Variants in WDR7 observed in about 807,000 individuals in gnomAD.
WDR7 encodes the protein WD repeat-containing protein 7.
In WDR7, 46 loss-of-function variants were observed where a neutral mutation model predicts 169.4. That is an observed-to-expected ratio of 0.27 (90% CI 0.21 to 0.35). WDR7 has a LOEUF of 0.35. Ranked by LOEUF, WDR7 falls within the 10% of genes least tolerant of loss-of-function variation. The probability of loss-of-function intolerance (pLI) is 1.00; values close to 1 mark genes in which losing one functional copy is unlikely to be tolerated. For synonymous variants in WDR7, 612 were observed against 666.8 expected (o/e 0.92, Z 1.27); for missense variants, 1,534 against 1,859.3 (o/e 0.83, Z 3.22).
chr18:56,952,539 AT>A (rs1241268126), intron 25 of WDR7, among the ~76,000 whole-genome samples: 1 of 152,210 alleles, frequency 6.6e-6, no homozygotes, highest in Non-Finnish European at 1.5e-5. Context: ...CTCAAACGTA[AT>A]CCTACACTAA....
chr18:56,904,672 G>C (rs1378088412), intron 21 of WDR7, among the ~76,000 whole-genome samples: 1 of 152,116 alleles, frequency 6.6e-6, no homozygotes, highest in African/African-American at 2.4e-5. Context: ...CAGAAAGAAA[G>C]AATCCATGTG....
intron 2 of WDR7, among the ~76,000 whole-genome samples, chr18:56,674,698 T>G (rs1054307625): frequency 1.3e-4 from 20 of 152,138 alleles, no homozygotes; most frequent in Non-Finnish European, 2.8e-4. Context: ...ATCTTTTTCC[T>G]TTGTTTGCTT....
At chr18:56,952,008 T>G (rs554532897) in intron 25 of WDR7, among the ~76,000 whole-genome samples, 46 of 152,358 alleles carry the variant, frequency 3.0e-4, no homozygotes, top group African/African-American at 1.1e-3. Flanking sequence ...TTTGCCAACC[T>G]CTTTGATGTC....
At chr18:56,750,624 C>T (rs891862890) in intron 14 of WDR7, among the ~76,000 whole-genome samples, 1 of 152,160 alleles carries the variant, frequency 6.6e-6, no homozygotes, top group African/African-American at 2.4e-5. Flanking sequence ...TACTAAGCTT[C>T]CTGCTAGAGA....
At chr18:56,903,980 G>T (rs1307403681) in intron 21 of WDR7, among the ~76,000 whole-genome samples, 1 of 152,072 alleles carries the variant, frequency 6.6e-6, no homozygotes, top group Non-Finnish European at 1.5e-5. Flanking sequence ...TTAAAGTGCG[G>T]TTAATGCAGT....
intron 13 of WDR7, among the ~76,000 whole-genome samples, chr18:56,719,527 A>C (rs959284123): frequency 7.1e-6 from 1 of 141,336 alleles, no homozygotes; most frequent in East Asian, 2.1e-4. Context: ...GCGCCACTGC[A>C]CTCCAGCCTG....
chr18:56,983,564 CACACACAGAGAGAG>C (rs1252549840), intron 26 of WDR7, among the ~76,000 whole-genome samples: 3 of 76,358 alleles, frequency 3.9e-5, no homozygotes, highest in African/African-American at 2.9e-4. Context: ...TAAACACACA[CACACACAGAGAGAG>C]AGAGAGAGAG....
chr18:56,794,304 A>ATTTTTTTTGTTTTTTTTTTTTTT (rs2044544165), intron 19 of WDR7, among the ~76,000 whole-genome samples: 1 of 49,466 alleles, frequency 2.0e-5, no homozygotes, highest in Non-Finnish European at 3.8e-5. Flanking sequence ...GGTAAAGTCT[A>ATTTTTTTTGTTTTTTTTTTTTTT]TTTTTTTTTT....
chr18:56,778,903 T>G (rs892783000), intron 17 of WDR7, among the ~76,000 whole-genome samples: 6 of 152,234 alleles, frequency 3.9e-5, no homozygotes, highest in Non-Finnish European at 5.9e-5. Flanking sequence ...ATATTTAATC[T>G]GATTCATTTT....
intron 21 of WDR7, among the ~76,000 whole-genome samples, chr18:56,905,817 A>C (rs2046468889): frequency 6.6e-6 from 1 of 152,172 alleles, no homozygotes; most frequent in Non-Finnish European, 1.5e-5. Flanking sequence ...TATCAAATTT[A>C]CTTTGATTCA....
At chr18:56,928,420 G>A (rs1004647720) in intron 22 of WDR7, among the ~76,000 whole-genome samples, 2 of 152,142 alleles carry the variant, frequency 1.3e-5, no homozygotes, top group Admixed American at 6.5e-5. Context: ...AGTGGTGATT[G>A]GACCACTACT....
At chr18:56,961,613 C>T (rs1158234451) in intron 25 of WDR7, among the ~76,000 whole-genome samples, 2 of 152,068 alleles carry the variant, frequency 1.3e-5, no homozygotes, top group Admixed American at 6.6e-5. Flanking sequence ...GCCATGTAGA[C>T]GTGAAATCAG....
chr18:56,691,756 A>G lies in WDR7; in HGVS notation c.905A>G (p.Lys302Arg). 1 of 1,612,768 alleles carries G rather than the reference A, an allele frequency of 6.2e-7. No homozygotes were observed. The highest frequency in any genetic ancestry group is 8.5e-7 in the Non-Finnish European group (1 of 1,179,696). ...ASDSFRSDVGKAVENLIPPVQ... is the reference protein window; with the variant it reads ...ASDSFRSDVGRAVENLIPPVQ... The stretch of plus-strand genomic sequence containing the variant: ...GATTCATTCCGCAGTGATGTGGGGA[A>G]GGCAGTTGAAAATTTAATTCCTCCT... The change falls in exon 9 of 28, where the codon AAG becomes AGG. Residue 302 changes from lysine (K) to arginine (R), a missense_variant. By Grantham distance (26) the Lys-to-Arg change is conservative. Coordinates refer to ENST00000254442, the MANE Select transcript of WDR7 (RefSeq NM_015285.3).
chr18:56,748,774 G>T (rs1448462974), intron 14 of WDR7, among the ~76,000 whole-genome samples: 3 of 152,028 alleles, frequency 2.0e-5, no homozygotes, highest in Non-Finnish European at 4.4e-5. Context: ...AGTATATATT[G>T]TCTAATTCCA....
intron 12 of WDR7, among the ~76,000 whole-genome samples, chr18:56,713,753 A>C (rs1165023087): frequency 6.6e-6 from 1 of 152,186 alleles, no homozygotes; most frequent in African/African-American, 2.4e-5. Context: ...AGTAACCCAG[A>C]TCTCTAGAAT....
intron 16 of WDR7, among the ~76,000 whole-genome samples, chr18:56,773,110 G>A (rs2044189315): frequency 6.6e-6 from 1 of 152,146 alleles, no homozygotes; most frequent in Non-Finnish European, 1.5e-5. Flanking sequence ...TTAAAGCACA[G>A]TGCCTTCTTG....
rs564503045 is a variant in WDR7 at position 56,717,260 on chromosome 18, C to G, written c.1579-704C>G. On this transcript the variant is annotated intron_variant, in intron 12 of 27. Transcript: ENST00000254442. ...TTTTTTAGGTCATGGGTTCAGTTCT[C>G]TCTTACCAGAGAAAATCTTTGATTA... Among the ~76,000 whole-genome samples, 13 of 152,308 alleles carry G rather than the reference C, an allele frequency of 8.5e-5. 1 individual carries two copies. In the South Asian group the frequency reaches 2.3e-3, roughly 27 times the overall value.
At chr18:56,924,527 G>T (rs1442326687) in intron 22 of WDR7, among the ~76,000 whole-genome samples, 1 of 152,140 alleles carries the variant, frequency 6.6e-6, no homozygotes, top group Non-Finnish European at 1.5e-5. Context: ...CTACGTTGAG[G>T]TTTCACTTAA....
At chr18:56,806,186 A>G (rs1325682681) in intron 19 of WDR7, among the ~76,000 whole-genome samples, 2 of 152,164 alleles carry the variant, frequency 1.3e-5, no homozygotes, top group East Asian at 3.8e-4. Context: ...TAGATTCTCT[A>G]GTGTAAAGTC....
Sources: allele counts gnomAD v4.1 joint callset (sites outside exome capture counted in the v4.1 genomes callset), GRCh38; gene constraint gnomAD v4.1.1; transcripts MANE v1.5; gene names NCBI Gene and HGNC (gene_info 2026-07-23, HGNC 2026-07-21).